The following STXBP5L variants were observed in gnomAD, a reference collection of about 807,000 sequenced individuals.
STXBP5L encodes syntaxin binding protein 5L, also known as syntaxin-binding protein 5-like.
In STXBP5L, 65 loss-of-function variants were observed where a neutral mutation model predicts 144.5. The observed-to-expected ratio is 0.45, with a 90% CI of 0.37 to 0.55. STXBP5L has a LOEUF of 0.55. Ranked by LOEUF, STXBP5L falls within the 20% of genes least tolerant of loss-of-function variation. STXBP5L has a pLI of 0.00. For synonymous variants in STXBP5L, 505 were observed against 469.6 expected (o/e 1.08, Z -0.97); for missense variants, 1,298 against 1,405.5 (o/e 0.92, Z 1.22).
intron 5 of STXBP5L, among the ~76,000 whole-genome samples, chr3:121,090,628 C>G (rs543380548): frequency 4.6e-5 from 7 of 152,124 alleles, no homozygotes; most frequent in African/African-American, 1.2e-4. Flanking sequence ...GAGGTATATA[C>G]AGATCTGAAT....
At chr3:121,003,324 T>C (rs1943954800) in intron 3 of STXBP5L, among the ~76,000 whole-genome samples, 2 of 152,216 alleles carry the variant, frequency 1.3e-5, no homozygotes, top group South Asian at 4.1e-4. Flanking sequence ...GAGCATTTTT[T>C]CATGTGTCTT....
intron 5 of STXBP5L, among the ~76,000 whole-genome samples, chr3:121,087,301 A>T (rs917654019): frequency 6.6e-6 from 1 of 152,042 alleles, no homozygotes; most frequent in Non-Finnish European, 1.5e-5. Context: ...TACAAGAATC[A>T]TGGATTTCTT....
chr3:120,959,646 G>T (rs12495212), intron 3 of STXBP5L, among the ~76,000 whole-genome samples: 4 of 152,040 alleles, frequency 2.6e-5, no homozygotes, highest in East Asian at 3.9e-4. Flanking sequence ...AAACAAGAAA[G>T]GGGGAAAGGA....
chr3:121,254,877 T>C lies in STXBP5L; in HGVS notation c.1442-18T>C, dbSNP rs759123587. 1 of 1,564,982 alleles carries C rather than the reference T, an allele frequency of 6.4e-7. No homozygotes were observed. On this transcript the variant is annotated intron_variant, in intron 15 of 26. Coordinates refer to ENST00000471454, the MANE Select transcript of STXBP5L (RefSeq NM_001308330.2). ...TTAAGTTTAAATTAGAAGATAACTG[T>C]GCTTCGATGTCTTATAGTAACTCTG...
intron 20 of STXBP5L, among the ~76,000 whole-genome samples, chr3:121,374,367 G>A (rs1483050432): frequency 6.6e-6 from 1 of 152,030 alleles, no homozygotes; most frequent in Non-Finnish European, 1.5e-5. Context: ...ACCAGCTGTG[G>A]AAATATCAAT....
In STXBP5L at chr3:120,996,260, C is replaced by T. The variant is rs150217841; in HGVS notation, c.287+41223C>T. 1.8e-3 allele frequency among the ~76,000 whole-genome samples: 274 copies of T among 151,706 alleles called. 1 individual carries two copies. Among genetic ancestry groups the T allele is most frequent in the African/African-American group, 5.6e-3 (234 of 41,430 alleles). On this transcript the variant is annotated intron_variant, in intron 3 of 26. Transcript: ENST00000471454. Reference sequence around the variant, plus strand: ...CTGGGTTTATCTTATTTGGTGTTTACGCAGATTTTTGAATCTATAAGTTTA... The same window carrying T: ...CTGGGTTTATCTTATTTGGTGTTTATGCAGATTTTTGAATCTATAAGTTTA...
chr3:121,236,805 C>T (rs1187020273), intron 12 of STXBP5L, among the ~76,000 whole-genome samples: 2 of 152,232 alleles, frequency 1.3e-5, no homozygotes, highest in Non-Finnish European at 2.9e-5. Context: ...AAGTAAGTTA[C>T]TTTCAGCTGT....
intron 3 of STXBP5L, among the ~76,000 whole-genome samples, chr3:120,969,922 G>A (rs982039547): frequency 2.0e-5 from 3 of 151,930 alleles, no homozygotes; most frequent in Admixed American, 6.6e-5. Context: ...CTGGTAGTAT[G>A]TTTTGATTTT....
chr3:121,242,159 C>T (rs560812532), intron 14 of STXBP5L, among the ~76,000 whole-genome samples: 13 of 152,108 alleles, frequency 8.5e-5, no homozygotes, highest in African/African-American at 3.1e-4. Context: ...AAAGGAAGTT[C>T]CCTACACAGA....
At chr3:121,186,235 A>G (rs1194067676) in intron 9 of STXBP5L, among the ~76,000 whole-genome samples, 1 of 152,202 alleles carries the variant, frequency 6.6e-6, no homozygotes, top group Non-Finnish European at 1.5e-5. Context: ...TAATCATGTC[A>G]TCTGCAAACA....
At chr3:121,117,348 A>G (rs2044276485) in intron 6 of STXBP5L, among the ~76,000 whole-genome samples, 1 of 151,886 alleles carries the variant, frequency 6.6e-6, no homozygotes, top group Non-Finnish European at 1.5e-5. Context: ...AGTAAACCAC[A>G]TACCATCACT....
chr3:120,950,918 C>G (rs1201679625), intron 2 of STXBP5L, among the ~76,000 whole-genome samples: 1 of 152,150 alleles, frequency 6.6e-6, no homozygotes, highest in African/African-American at 2.4e-5. Flanking sequence ...TACAAGGCTA[C>G]AGTAACCAAA....
chr3:121,294,666 A>T (rs997060322), intron 19 of STXBP5L, among the ~76,000 whole-genome samples: 1 of 152,132 alleles, frequency 6.6e-6, no homozygotes, highest in African/African-American at 2.4e-5. Context: ...ATAAGGGAGT[A>T]GGGAAGAAAA....
chr3:121,424,653 G>GA lies in STXBP5L; in HGVS notation c.*5560dup, dbSNP rs1359867038. On this transcript the variant is annotated 3_prime_UTR_variant, in exon 27 of 27. Coordinates refer to ENST00000471454, the MANE Select transcript of STXBP5L (RefSeq NM_001308330.2). ...TCTTCAGAATTTTTGCATCTTTTCA[G>GA]AAAATGACAAATTACTATTTTTCTG... The GA allele has an allele frequency of 6.6e-6, 1 of 152,094 alleles. No individual in the cohort carries two copies. Among genetic ancestry groups the GA allele is most frequent in the African/African-American group, 2.4e-5 (1 of 41,422 alleles). The allele number at this position is 152,094 out of a possible 1,614,324, so 9.4% of individuals were successfully genotyped here. A position where few individuals can be genotyped will look rare whatever the true frequency, so the allele number is the denominator to read the frequency against.
At chr3:121,348,857 T>C (rs966607447) in intron 20 of STXBP5L, among the ~76,000 whole-genome samples, 1 of 152,074 alleles carries the variant, frequency 6.6e-6, no homozygotes, top group Non-Finnish European at 1.5e-5. Flanking sequence ...TTTTCTTCTT[T>C]ATTATTCTTA....
At chr3:121,152,815 T>C (rs1345972446) in intron 8 of STXBP5L, among the ~76,000 whole-genome samples, 3 of 152,110 alleles carry the variant, frequency 2.0e-5, no homozygotes, top group Non-Finnish European at 4.4e-5. Flanking sequence ...TAATAGATCC[T>C]GCCTTGTCAA....
chr3:121,249,030 G>A (rs886499093), intron 14 of STXBP5L, among the ~76,000 whole-genome samples: 1 of 152,082 alleles, frequency 6.6e-6, no homozygotes, highest in African/African-American at 2.4e-5. Context: ...GTACCATGCT[G>A]TTTTGGTTAC....
intron 9 of STXBP5L, among the ~76,000 whole-genome samples, chr3:121,186,007 C>T: frequency 6.6e-6 from 1 of 152,082 alleles, no homozygotes; most frequent in East Asian, 1.9e-4. Context: ...TGAAGAGGTC[C>T]TTCATGTCCC....
chr3:121,105,639 A>G (rs944803814), intron 5 of STXBP5L, among the ~76,000 whole-genome samples: 3 of 152,182 alleles, frequency 2.0e-5, no homozygotes, highest in Non-Finnish European at 4.4e-5. Context: ...TCTGGTAAAC[A>G]GTATGGAGAT....
Sources: gnomAD v4.1 joint callset for allele counts (sites outside exome capture counted in the v4.1 genomes callset) on GRCh38, gnomAD v4.1.1 for gene constraint, MANE v1.5 for transcripts, NCBI Gene and HGNC (gene_info 2026-07-23, HGNC 2026-07-21) for gene names.